Variants in GRIP1 observed in about 807,000 individuals in gnomAD.
GRIP1 encodes glutamate receptor-interacting protein 1.
Under a neutral mutation model 129.9 loss-of-function variants are expected in GRIP1, and 45 were observed. That is an observed-to-expected ratio of 0.35 (90% CI 0.27 to 0.44). The LOEUF (loss-of-function observed/expected upper bound fraction) is 0.44, where lower values mean the gene tolerates loss of function less well. Among genes scored for constraint, GRIP1 ranks in the 20% least tolerant of loss-of-function variants. The pLI, the probability that GRIP1 is intolerant of heterozygous loss-of-function variation, is 1.00. For missense variants in GRIP1, 1,196 were observed against 1,396.8 expected (o/e 0.86, Z 2.29); for synonymous variants, 530 against 520.8 (o/e 1.02, Z -0.24).
intron 2 of GRIP1, among the ~76,000 whole-genome samples, chr12:66,580,566 T>C (rs2063334329): frequency 6.6e-6 from 1 of 151,146 alleles, no homozygotes; most frequent in South Asian, 2.1e-4. Flanking sequence ...GAGGAAGATC[T>C]ACCAAGCAAA....
At chr12:66,907,368 T>C (rs752309164) in intron 1 of GRIP1, among the ~76,000 whole-genome samples, 1 of 152,188 alleles carries the variant, frequency 6.6e-6, no homozygotes, top group Admixed American at 6.5e-5. Context: ...AAATATAGCA[T>C]TGAACAAGAC....
intron 1 of GRIP1, among the ~76,000 whole-genome samples, chr12:67,053,420 G>A (rs1437628765): frequency 6.6e-6 from 1 of 152,132 alleles, no homozygotes; most frequent in Non-Finnish European, 1.5e-5. Flanking sequence ...CCCATGGCAG[G>A]CAATGTGGAC....
chr12:66,709,664 AACACATGT>A (rs2035650359), intron 1 of GRIP1, among the ~76,000 whole-genome samples: 1 of 151,964 alleles, frequency 6.6e-6, no homozygotes, highest in Admixed American at 6.6e-5. Context: ...AGTACAAGAC[AACACATGT>A]GCCTTAAGGA....
At chr12:66,791,691 T>C (rs1236246262) in intron 1 of GRIP1, among the ~76,000 whole-genome samples, 1 of 152,140 alleles carries the variant, frequency 6.6e-6, no homozygotes, top group African/African-American at 2.4e-5. Flanking sequence ...ATATTAGATA[T>C]GTATTATTTC....
chr12:66,990,097 T>G (rs1279008318), intron 1 of GRIP1, among the ~76,000 whole-genome samples: 1 of 152,166 alleles, frequency 6.6e-6, no homozygotes, highest in Non-Finnish European at 1.5e-5. Context: ...ATAAGAAGGA[T>G]GAAGAAAATA....
chr12:66,360,972 A>G (rs182885838), intron 23 of GRIP1, among the ~76,000 whole-genome samples: 52 of 152,256 alleles, frequency 3.4e-4, no homozygotes, highest in Admixed American at 2.0e-3. Flanking sequence ...TTTTCCCATA[A>G]ATCACCAGGC....
intron 1 of GRIP1, among the ~76,000 whole-genome samples, chr12:66,790,906 AAGG>A (rs1248479570): frequency 1.3e-5 from 2 of 152,090 alleles, no homozygotes; most frequent in Non-Finnish European, 2.9e-5. Flanking sequence ...GAGCGGGAGG[AAGG>A]AGAAGGTATC....
intron 1 of GRIP1, among the ~76,000 whole-genome samples, chr12:66,614,363 G>A (rs1225282069): frequency 6.6e-6 from 1 of 151,954 alleles, no homozygotes; most frequent in Admixed American, 6.6e-5. Context: ...TTTCCCAACA[G>A]CCCTCCCCCA....
At chr12:66,829,529 C>A (rs73132967) in intron 1 of GRIP1, among the ~76,000 whole-genome samples, 1 of 152,116 alleles carries the variant, frequency 6.6e-6, no homozygotes, top group Non-Finnish European at 1.5e-5. Context: ...GCCCCTAACC[C>A]TTGATCCTTC....
At position 66,353,565 on chromosome 12, in the gene GRIP1, T is replaced by G; in HGVS notation, c.3013-2A>C. On this transcript the variant is annotated splice_acceptor_variant, in intron 23 of 24. Coordinates refer to ENST00000359742, the MANE Select transcript of GRIP1 (RefSeq NM_001366722.1). LOFTEE classifies it high-confidence loss of function. Reference sequence around the variant, plus strand: ...GTCAGAGTCCTTGTACAAGGTCACCTGAAGAGAGAAAATGGGATGTGAATA... The same window carrying G: ...GTCAGAGTCCTTGTACAAGGTCACCGGAAGAGAGAAAATGGGATGTGAATA... 2 of 1,613,742 alleles carry G rather than the reference T, an allele frequency of 1.2e-6. No homozygotes were observed. Among genetic ancestry groups the G allele is most frequent in the Non-Finnish European group, 1.7e-6 (2 of 1,179,624 alleles).
intron 19 of GRIP1, 151 bp downstream of exon 19, chr12:66,392,157 T>G: frequency 1.6e-6 from 1 of 644,732 alleles, no homozygotes; most frequent in Non-Finnish European, 2.8e-6. Context: ...CAGCAGAGTG[T>G]AAGTATTCAA....
rs542374737 is a variant in GRIP1 at position 66,495,128 on chromosome 12, CTTAA to C, written c.724+20487_724+20490del. 2.0e-3 allele frequency among the ~76,000 whole-genome samples: 308 copies of C among 152,284 alleles called. 2 individuals carry two copies. The highest frequency in any genetic ancestry group is 6.8e-3 in the African/African-American group (282 of 41,564). ...ATAAATAAGGATGCCATCTATGATGCTTAATTAGTTTTCCAGTTGATGTGAAAAA... is the reference window on the plus strand; with the variant it reads ...ATAAATAAGGATGCCATCTATGATGCTTAGTTTTCCAGTTGATGTGAAAAA... On this transcript the variant is annotated intron_variant, in intron 7 of 24. Transcript: ENST00000359742.
chr12:66,867,018 T>C (rs951547314), intron 1 of GRIP1, among the ~76,000 whole-genome samples: 1 of 152,202 alleles, frequency 6.6e-6, no homozygotes, highest in Non-Finnish European at 1.5e-5. Context: ...AGACAGACTC[T>C]CACTCTGTTG....
intron 1 of GRIP1, among the ~76,000 whole-genome samples, chr12:66,727,957 T>G (rs961072600): frequency 3.3e-5 from 5 of 152,334 alleles, no homozygotes; most frequent in Non-Finnish European, 5.9e-5. Flanking sequence ...ATTTTTACAG[T>G]GCTATCCTTG....
At chr12:66,526,190 T>C (rs2061231683) in intron 5 of GRIP1, among the ~76,000 whole-genome samples, 2 of 150,674 alleles carry the variant, frequency 1.3e-5, no homozygotes, top group African/African-American at 4.9e-5. Context: ...TTAAAGTTCA[T>C]ATGGAACCAA....
chr12:66,462,777 G>A (rs1415663383), intron 9 of GRIP1, 147 bp downstream of exon 9: 7 of 606,072 alleles, frequency 1.2e-5, no homozygotes, highest in East Asian at 5.8e-5. Flanking sequence ...ATTCCAGTCT[G>A]GGGGACAGAG....
chr12:66,376,358 A>G (rs757280863), intron 22 of GRIP1, among the ~76,000 whole-genome samples: 37 of 152,240 alleles, frequency 2.4e-4, no homozygotes, highest in Non-Finnish European at 5.0e-4. Flanking sequence ...ACCTCATAAG[A>G]CATCAAAATA....
intron 16 of GRIP1, among the ~76,000 whole-genome samples, chr12:66,397,204 C>A (rs1436439413): frequency 7.0e-6 from 1 of 143,618 alleles, no homozygotes; most frequent in Non-Finnish European, 1.5e-5. Context: ...TCTAATAAAA[C>A]CAACTGTTAT....
At chr12:66,392,000 C>T (rs1426658099) in intron 19 of GRIP1, among the ~76,000 whole-genome samples, 1 of 152,100 alleles carries the variant, frequency 6.6e-6, no homozygotes, top group Non-Finnish European at 1.5e-5. Context: ...TTGAACGAGC[C>T]ACTTTATTGT....
Sources: gnomAD v4.1 joint callset for allele counts (sites outside exome capture counted in the v4.1 genomes callset) on GRCh38, gnomAD v4.1.1 for gene constraint, MANE v1.5 for transcripts, NCBI Gene and HGNC (gene_info 2026-07-23, HGNC 2026-07-21) for gene names.